CENPW: variants seen among roughly 807,000 people sequenced by gnomAD.
The protein encoded by CENPW is cancer-up-regulated gene 2 protein.
In CENPW, 3 loss-of-function variants were observed where a neutral mutation model predicts 11.1. The ratio of observed to expected loss-of-function variants is 0.27; its 90% CI spans 0.12 to 0.70. The LOEUF (loss-of-function observed/expected upper bound fraction) is 0.70, where lower values mean the gene tolerates loss of function less well. CENPW is among the 30% of genes least tolerant of loss of function. CENPW has a pLI of 0.77. For missense variants in CENPW, 100 were observed against 105.6 expected (o/e 0.95, Z 0.23); for synonymous variants, 38 against 42.0 (o/e 0.91, Z 0.37).
the CENPW span, among the ~76,000 whole-genome samples, chr6:126,423,649 TG>T: frequency 6.6e-6 from 1 of 151,836 alleles, no homozygotes; most frequent in Non-Finnish European, 1.5e-5. Flanking sequence ...TGAGACTTTT[TG>T]GGGGTGGGGC....
At chr6:126,344,707 A>T (rs966723553) in intron 1 of CENPW, among the ~76,000 whole-genome samples, 1 of 152,184 alleles carries the variant, frequency 6.6e-6, no homozygotes, top group African/African-American at 2.4e-5. Context: ...TAGATTGTTC[A>T]TATTGTTTAA....
At chr6:126,456,876 A>AG in the CENPW span, among the ~76,000 whole-genome samples, 1 of 151,444 alleles carries the variant, frequency 6.6e-6, no homozygotes, top group Non-Finnish European at 1.5e-5. Flanking sequence ...CCCATTAAAT[A>AG]TGGGCAAAGG....
the CENPW span, among the ~76,000 whole-genome samples, chr6:126,410,033 T>C: frequency 1.3e-5 from 2 of 151,986 alleles, no homozygotes; most frequent in South Asian, 2.1e-4. Context: ...GTTTTTTTTA[T>C]GGTGATCAGA....
At chr6:126,351,650 T>C (rs1308483185), downstream of CENPW, among the ~76,000 whole-genome samples, 3 of 152,118 alleles carry the variant, frequency 2.0e-5, no homozygotes, top group East Asian at 5.8e-4. Flanking sequence ...TCCCCATGTG[T>C]ACATTTAGTA....
chr6:126,350,604 A>G (rs974288231), downstream of CENPW, among the ~76,000 whole-genome samples: 18 of 152,278 alleles, frequency 1.2e-4, no homozygotes, highest in African/African-American at 4.3e-4. Context: ...GATGATGAAC[A>G]TATTTTCGTG....
At chr6:126,362,360 C>T in the CENPW span, among the ~76,000 whole-genome samples, 3 of 152,122 alleles carry the variant, frequency 2.0e-5, no homozygotes, top group Non-Finnish European at 4.4e-5. Flanking sequence ...TGTGGGGTTC[C>T]CTGTAGCTAG....
chr6:126,414,174 ATAT>A, the CENPW span, among the ~76,000 whole-genome samples: 2 of 152,022 alleles, frequency 1.3e-5, no homozygotes, highest in Non-Finnish European at 2.9e-5. Flanking sequence ...TATAAAGCAA[ATAT>A]TATTACATAT....
the CENPW span, among the ~76,000 whole-genome samples, chr6:126,367,004 C>G: frequency 5.6e-4 from 86 of 152,246 alleles, no homozygotes; most frequent in Non-Finnish European, 1.0e-4. Flanking sequence ...TCCCTTTAGT[C>G]TCTACCTTTC....
chr6:126,436,110 T>C, the CENPW span, among the ~76,000 whole-genome samples: 1 of 151,798 alleles, frequency 6.6e-6, no homozygotes, highest in Non-Finnish European at 1.5e-5. Context: ...TTCCTGGCAA[T>C]GAAATCTCTG....
chr6:126,454,652 A>G, the CENPW span, among the ~76,000 whole-genome samples: 1 of 151,254 alleles, frequency 6.6e-6, no homozygotes, highest in Non-Finnish European at 1.5e-5. Flanking sequence ...CTAACGTTAC[A>G]CCTACAGGAA....
the CENPW span, among the ~76,000 whole-genome samples, chr6:126,459,978 G>A: frequency 6.7e-6 from 1 of 149,794 alleles, no homozygotes; most frequent in Non-Finnish European, 1.5e-5. Flanking sequence ...ATTTGTTTTT[G>A]AACAAATAAA....
the CENPW span, among the ~76,000 whole-genome samples, chr6:126,412,013 C>CCCCCTCCCTCCCTCCTTCCTCCCTTCCT: frequency 8.2e-6 from 1 of 121,384 alleles, no homozygotes; most frequent in African/African-American, 3.1e-5. Flanking sequence ...CTCTCTCCCT[C>CCCCCTCCCTCCCTCCTTCCTCCCTTCCT]CCACTCCCTC....
chr6:126,374,172 A>G, the CENPW span, among the ~76,000 whole-genome samples: 1 of 152,220 alleles, frequency 6.6e-6, no homozygotes, highest in Admixed American at 6.5e-5. Context: ...CACTGCATCA[A>G]TAAGAACTCT....
chr6:126,351,143 A>AGT, downstream of CENPW, among the ~76,000 whole-genome samples: 1 of 115,654 alleles, frequency 8.6e-6, no homozygotes, highest in South Asian at 3.9e-4. Flanking sequence ...AGAAAGAGAG[A>AGT]GAGTGAGTGT....
At chr6:126,390,181 T>C in the CENPW span, among the ~76,000 whole-genome samples, 7 of 151,944 alleles carry the variant, frequency 4.6e-5, no homozygotes, top group African/African-American at 1.7e-4. Context: ...CCATGTCTAC[T>C]GCAACCCGCC....
At chr6:126,344,839 A>G (rs1398364480) in intron 1 of CENPW, among the ~76,000 whole-genome samples, 5 of 152,214 alleles carry the variant, frequency 3.3e-5, no homozygotes, top group Admixed American at 6.5e-5. Flanking sequence ...GTTATTTAAC[A>G]TTTAGTGAAC....
At chr6:126,437,376 G>A in the CENPW span, among the ~76,000 whole-genome samples, 1 of 151,904 alleles carries the variant, frequency 6.6e-6, no homozygotes, top group Admixed American at 6.6e-5. Flanking sequence ...CTCTGGCCCA[G>A]TTGAATTTGG....
chr6:126,419,027 A>C, the CENPW span, among the ~76,000 whole-genome samples: 5 of 152,038 alleles, frequency 3.3e-5, no homozygotes, highest in Non-Finnish European at 7.4e-5. Flanking sequence ...ACATGTATAC[A>C]TATGTAGCAA....
intron 1 of CENPW, among the ~76,000 whole-genome samples, chr6:126,341,512 A>C (rs534181553): frequency 6.6e-6 from 1 of 152,190 alleles, no homozygotes; most frequent in African/African-American, 2.4e-5. Context: ...CTCTGAAGCC[A>C]AAACACAACA....
Sources: allele counts gnomAD v4.1 joint callset (sites outside exome capture counted in the v4.1 genomes callset), GRCh38; gene constraint gnomAD v4.1.1; transcripts MANE v1.5; gene names NCBI Gene and HGNC (gene_info 2026-07-23, HGNC 2026-07-21).